Variants in JADE3 observed in about 807,000 individuals in gnomAD.
JADE3 encodes jade family PHD finger 3.
In JADE3, 2 loss-of-function variants were observed where a neutral mutation model predicts 50.1. The ratio of observed to expected loss-of-function variants is 0.04; its 90% CI spans 0.02 to 0.13. The LOEUF (loss-of-function observed/expected upper bound fraction) is 0.13, where lower values mean the gene tolerates loss of function less well. JADE3 is among the 10% of genes least tolerant of loss of function. The probability of loss-of-function intolerance (pLI) is 1.00; values close to 1 mark genes in which losing one functional copy is unlikely to be tolerated. For synonymous variants in JADE3, 218 were observed against 232.9 expected, an observed-to-expected ratio of 0.94 and a Z score of 0.58; for missense variants, 475 against 634.4, an observed-to-expected ratio of 0.75 and a Z score of 2.70.
intron 7 of JADE3, among the ~76,000 whole-genome samples, chrX:47,038,689 A>T: frequency 9.3e-6 from 1 of 108,015 alleles, no homozygotes; most frequent in East Asian, 2.9e-4. Flanking sequence ...AGAAAGAAAG[A>T]AAAGTAAAAG....
chrX:47,022,202 C>T (rs782427766), intron 4 of JADE3, among the ~76,000 whole-genome samples: 1 of 112,251 alleles, frequency 8.9e-6, no homozygotes, highest in South Asian at 3.7e-4. Flanking sequence ...AGGCCATGCA[C>T]TAAAGAAACA....
At chrX:46,948,153 G>T (rs1267282689) in intron 1 of JADE3, among the ~76,000 whole-genome samples, 1 of 112,101 alleles carries the variant, frequency 8.9e-6, no homozygotes, top group Admixed American at 9.5e-5. Context: ...AATTCAAGTT[G>T]TGTACTGTCA....
chrX:46,939,180 C>T (rs1219438944), intron 1 of JADE3, among the ~76,000 whole-genome samples: 1 of 111,905 alleles, frequency 8.9e-6, no homozygotes, highest in African/African-American at 3.2e-5. Context: ...TGTTGTACCC[C>T]CATAAGGTAA....
intron 1 of JADE3, among the ~76,000 whole-genome samples, chrX:46,913,744 T>C (rs951499527): frequency 3.7e-5 from 4 of 109,582 alleles, no homozygotes; most frequent in African/African-American, 1.3e-4. Context: ...ACCACAATGG[T>C]GGTATGTGGA....
intron 6 of JADE3, among the ~76,000 whole-genome samples, chrX:47,032,840 A>T (rs1556367036): frequency 2.7e-5 from 3 of 111,518 alleles, no homozygotes; most frequent in African/African-American, 9.8e-5. Context: ...CCTGAGGCAG[A>T]CAGAAATTTT....
chrX:46,917,132 G>A (rs1235073857), intron 1 of JADE3, among the ~76,000 whole-genome samples: 3 of 105,938 alleles, frequency 2.8e-5, no homozygotes, highest in Admixed American at 2.1e-4. Context: ...AGTGAGAATT[G>A]ATCAATGCTC....
At chrX:46,973,427 C>A (rs1345747846) in intron 1 of JADE3, among the ~76,000 whole-genome samples, 1 of 112,285 alleles carries the variant, frequency 8.9e-6, no homozygotes, top group African/African-American at 3.2e-5. Flanking sequence ...AGTTCATTAT[C>A]CCAACTTCTG....
rs782378321 is a variant in JADE3 at position 47,060,011 on chromosome X, G to T, written c.*934G>T. ...TTAAAATATAGTAAAATGCACAGAG[G>T]TTAAGTATTCTTACCTGCTTTAATT... On this transcript the variant is annotated 3_prime_UTR_variant, in exon 11 of 11. Transcript: ENST00000614628. 8.9e-6 allele frequency: 1 copy of T among 112,327 alleles called. No homozygotes were observed. The highest frequency in any genetic ancestry group is 1.9e-5 in the Non-Finnish European group (1 of 53,198). The allele number at this position is 112,327 out of a possible 1,213,427, so 9.3% of individuals were successfully genotyped here.
intron 3 of JADE3, among the ~76,000 whole-genome samples, chrX:46,990,041 T>C (rs954226210): frequency 2.8e-5 from 3 of 108,931 alleles, no homozygotes; most frequent in Non-Finnish European, 5.7e-5. Context: ...TCCATTTGGT[T>C]ATTCTTTATA....
chrX:47,058,673 C>CAGG lies in JADE3; in HGVS notation c.2071_2073dup (p.Glu691dup). ...CAGCTCGAGTGAGATGTTCTGTGAC[C>CAGG]AGGAGCCTGTGTTCAGCCCCCACTT... On this transcript the variant is annotated inframe_insertion, in exon 11 of 11. Coordinates refer to ENST00000614628, the MANE Select transcript of JADE3 (RefSeq NM_014735.5). The CAGG allele has an allele frequency of 8.3e-7, 1 of 1,211,357 alleles. No individual in the cohort carries two copies. Among genetic ancestry groups the CAGG allele is most frequent in the Non-Finnish European group, 1.1e-6 (1 of 895,343 alleles).
Position 46,998,183 on chromosome X carries a change from A to G in JADE3, c.190A>G (p.Ser64Gly), listed in dbSNP as rs1556357940. Residue 64 changes from serine to glycine, a missense_variant, in exon 4 of 11, where the codon AGC becomes GGC. Around this residue, in one of 6 missense-constraint regions of JADE3, gnomAD observed 12 missense variants for 35.0 expected, o/e 0.34. Transcript: ENST00000614628. ...LPDSHHINPD[S>G]YYLFADTWKE... ...AGATTCTCACCACATTAATCCTGAT[A>G]GCTATTACCTCTTTGCTGATACATG... is the stretch of plus-strand genomic sequence containing the variant. The G allele has an allele frequency of 2.5e-6, 3 of 1,200,473 alleles. No individual in the cohort carries two copies. The Admixed American group carries it at 6.6e-5, about 26-fold the overall frequency.
intron 8 of JADE3, among the ~76,000 whole-genome samples, chrX:47,042,261 T>C (rs1342522877): frequency 2.7e-5 from 3 of 111,947 alleles, no homozygotes; most frequent in Non-Finnish European, 5.6e-5. Context: ...AGAGAAAATA[T>C]TGGCCTTGAC....
At chrX:46,961,071 A>G (rs1293132702) in intron 1 of JADE3, among the ~76,000 whole-genome samples, 1 of 112,110 alleles carries the variant, frequency 8.9e-6, no homozygotes, top group Non-Finnish European at 1.9e-5. Flanking sequence ...GAAGCAGGAA[A>G]ATTTGTGAGG....
chrX:47,028,782 T>A (rs1172424768), intron 6 of JADE3, among the ~76,000 whole-genome samples: 1 of 111,296 alleles, frequency 9.0e-6, no homozygotes, highest in Non-Finnish European at 1.9e-5. Flanking sequence ...CCACAAGCAC[T>A]GTGTTCCAAC....
intron 4 of JADE3, among the ~76,000 whole-genome samples, chrX:47,008,781 A>G (rs1460368525): frequency 9.0e-6 from 1 of 111,209 alleles, no homozygotes; most frequent in East Asian, 2.8e-4. Flanking sequence ...ACAGGGAAGC[A>G]GGAGGATACA....
chrX:47,037,076 A>T (rs1487954260), intron 7 of JADE3, among the ~76,000 whole-genome samples: 9 of 99,918 alleles, frequency 9.0e-5, no homozygotes, highest in African/African-American at 3.1e-4. Context: ...AACCTGCACA[A>T]TGTGCACATG....
At chrX:46,954,540 ATTCT>A (rs1323620220) in intron 1 of JADE3, among the ~76,000 whole-genome samples, 2 of 111,535 alleles carry the variant, frequency 1.8e-5, no homozygotes, top group African/African-American at 6.5e-5. Flanking sequence ...AGAAATATGC[ATTCT>A]TTATTTTTTA....
chrX:47,029,961 T>C (rs1287503371), intron 6 of JADE3, among the ~76,000 whole-genome samples: 1 of 111,777 alleles, frequency 8.9e-6, no homozygotes, highest in Non-Finnish European at 1.9e-5. Context: ...AGGCCATTTG[T>C]AGTCCTTATC....
chrX:47,037,437 C>G (rs1280266359), intron 7 of JADE3, among the ~76,000 whole-genome samples: 1 of 111,587 alleles, frequency 9.0e-6, no homozygotes, highest in Non-Finnish European at 1.9e-5. Context: ...ATAATAGATA[C>G]TCGATTTAGT....
Sources: gnomAD v4.1 joint callset for allele counts (sites outside exome capture counted in the v4.1 genomes callset) on GRCh38, gnomAD v4.1.1 for gene constraint, gnomAD v4.1.1 regional missense constraint, MANE v1.5 for transcripts, NCBI Gene and HGNC (gene_info 2026-07-23, HGNC 2026-07-21) for gene names.